SUN3: variants seen among roughly 807,000 people sequenced by gnomAD.
The protein encoded by SUN3 is Sad1 and UNC84 domain containing 3.
Under a neutral mutation model 48.2 loss-of-function variants are expected in SUN3, and 36 were observed. The observed-to-expected ratio is 0.75, with a 90% CI of 0.57 to 0.99. The LOEUF (loss-of-function observed/expected upper bound fraction) is 0.99, where lower values mean the gene tolerates loss of function less well. Among genes scored for constraint, SUN3 ranks in the 50% least tolerant of loss-of-function variants. The pLI, the probability that SUN3 is intolerant of heterozygous loss-of-function variation, is 0.00. For synonymous variants in SUN3, 148 were observed against 147.9 expected (o/e 1.00, Z 0.00); for missense variants, 419 against 433.1 (o/e 0.97, Z 0.29).
chr7:48,004,226 T>G (rs571824242), intron 6 of SUN3, among the ~76,000 whole-genome samples: 2 of 152,252 alleles, frequency 1.3e-5, no homozygotes, highest in African/African-American at 4.8e-5. Context: ...CCCTTGGGAG[T>G]TGGTCTTATT....
intron 4 of SUN3, among the ~76,000 whole-genome samples, chr7:48,007,809 T>G (rs1789572522): frequency 6.6e-6 from 1 of 152,046 alleles, no homozygotes; most frequent in Non-Finnish European, 1.5e-5. Context: ...CATGCAAGAT[T>G]TTACTTCCCA....
At chr7:48,013,739 T>C (rs1789740201) in intron 3 of SUN3, among the ~76,000 whole-genome samples, 1 of 152,180 alleles carries the variant, frequency 6.6e-6, no homozygotes, top group Admixed American at 6.5e-5. Flanking sequence ...GTGCAGCGTT[T>C]CATGCCTGTA....
At chr7:47,991,196 A>C (rs549139650) in intron 8 of SUN3, among the ~76,000 whole-genome samples, 1 of 152,318 alleles carries the variant, frequency 6.6e-6, no homozygotes, top group Admixed American at 6.5e-5. Context: ...GGATCACAGG[A>C]GCAGATACTG....
chr7:48,016,971 C>T (rs936947568), intron 3 of SUN3, among the ~76,000 whole-genome samples: 3 of 152,154 alleles, frequency 2.0e-5, no homozygotes, highest in Admixed American at 1.3e-4. Flanking sequence ...GCCCACTCTT[C>T]AGGTGACTAT....
intron 6 of SUN3, among the ~76,000 whole-genome samples, chr7:48,001,581 T>C (rs1208894864): frequency 1.4e-5 from 2 of 141,458 alleles, no homozygotes; most frequent in East Asian, 4.3e-4. Flanking sequence ...TTGCCCAGGC[T>C]GGAGTGCAGT....
intron 9 of SUN3, 109 bp downstream of exon 9, chr7:47,988,679 C>A: frequency 1.6e-6 from 1 of 620,022 alleles, no homozygotes; most frequent in Non-Finnish European, 2.7e-6. Flanking sequence ...CCTTGTGTAA[C>A]TCACGCTTTT....
upstream of SUN3, among the ~76,000 whole-genome samples, chr7:48,031,407 T>C (rs542913344): frequency 6.6e-6 from 1 of 152,324 alleles, no homozygotes; most frequent in South Asian, 2.1e-4. Context: ...GGTACACGCC[T>C]GTAATCCCAG....
At chr7:48,003,186 A>G (rs1042911863) in intron 6 of SUN3, among the ~76,000 whole-genome samples, 3 of 152,108 alleles carry the variant, frequency 2.0e-5, no homozygotes, top group Admixed American at 2.0e-4. Context: ...ACTTTCTGCA[A>G]TGTTTGTTTT....
At chr7:48,018,229 A>G in intron 2 of SUN3, among the ~76,000 whole-genome samples, 1 of 152,174 alleles carries the variant, frequency 6.6e-6, no homozygotes. Context: ...AGACTGAGAG[A>G]GTAATCTCTG....
At chr7:48,021,121 C>T (rs1583779616) in intron 2 of SUN3, among the ~76,000 whole-genome samples, 1 of 151,990 alleles carries the variant, frequency 6.6e-6, no homozygotes, top group Non-Finnish European at 1.5e-5. Context: ...CTACAGAGAA[C>T]TCATTTTCAA....
Position 48,002,305 on chromosome 7 carries a change from G to A in SUN3, c.577+3664C>T, listed in dbSNP as rs1368435646. On this transcript the variant is annotated intron_variant, in intron 6 of 9. Transcript: ENST00000297325. ...CTCCCGAGTAGCTGGGACCACAGGCGCCCGCACCACGCCCGGCTAATTTTT... is the reference window on the plus strand; with the variant it reads ...CTCCCGAGTAGCTGGGACCACAGGCACCCGCACCACGCCCGGCTAATTTTT... 7.7e-5 allele frequency among the ~76,000 whole-genome samples: 11 copies of A among 143,566 alleles called. 2 individuals are homozygous for A. The highest frequency in any genetic ancestry group is 3.0e-4 in the African/African-American group (10 of 33,496). 94.2% of individuals were successfully genotyped at this position (143,566 alleles called of 152,430 possible).
rs372204872 is a variant in SUN3, at chr7:47,994,497, C to T, written c.694-15G>A. 31 of 1,585,176 alleles carry T rather than the reference C, an allele frequency of 2.0e-5. No homozygotes were observed. In the African/African-American group the frequency reaches 4.0e-4, roughly 20 times the overall value. On this transcript the variant is annotated splice_polypyrimidine_tract_variant and intron_variant, in intron 7 of 9. Coordinates refer to ENST00000297325, the MANE Select transcript of SUN3 (RefSeq NM_001030019.2). ...TAGACATCCGGCTGGAAAGAAAACACTGAATTAATCTCTTAACTAGTTATG... is the reference window on the plus strand; with the variant it reads ...TAGACATCCGGCTGGAAAGAAAACATTGAATTAATCTCTTAACTAGTTATG...
chr7:48,021,497 A>G (rs1056764312), intron 2 of SUN3, among the ~76,000 whole-genome samples: 6 of 151,986 alleles, frequency 3.9e-5, no homozygotes, highest in Non-Finnish European at 8.8e-5. Flanking sequence ...AAATATTTAC[A>G]AACTACCCAT....
chr7:48,024,570 AG>A (rs1178074990), intron 2 of SUN3, among the ~76,000 whole-genome samples: 1 of 152,140 alleles, frequency 6.6e-6, no homozygotes, highest in Non-Finnish European at 1.5e-5. Flanking sequence ...GTTGCTGTAA[AG>A]GAATATCTGA....
upstream of SUN3, among the ~76,000 whole-genome samples, chr7:48,032,332 G>T (rs1177167787): frequency 6.6e-6 from 1 of 152,180 alleles, no homozygotes; most frequent in Non-Finnish European, 1.5e-5. Flanking sequence ...TAGCTTGATT[G>T]TAGTAATTAT....
intron 8 of SUN3, 30 bp from the exon 9 acceptor site, chr7:47,988,910 G>A (rs779949565): frequency 1.9e-5 from 25 of 1,288,452 alleles, no homozygotes; most frequent in Non-Finnish European, 2.6e-5. Context: ...TATAGAGATT[G>A]TAATGAATGG....
At chr7:48,016,998 T>A (rs548001537) in intron 3 of SUN3, among the ~76,000 whole-genome samples, 1 of 152,190 alleles carries the variant, frequency 6.6e-6, no homozygotes, top group Admixed American at 6.5e-5. Flanking sequence ...CCAATGATAA[T>A]GGCATTAATT....
chr7:48,012,376 G>GT (rs981435328), intron 3 of SUN3, among the ~76,000 whole-genome samples: 1 of 150,262 alleles, frequency 6.7e-6, no homozygotes, highest in Non-Finnish European at 1.5e-5. Context: ...AGTTTTACTT[G>GT]TTTTTTGTTT....
intron 8 of SUN3, among the ~76,000 whole-genome samples, chr7:47,992,748 A>T (rs970623796): frequency 1.3e-5 from 2 of 152,192 alleles, no homozygotes; most frequent in African/African-American, 2.4e-5. Flanking sequence ...AAAGAAAGGA[A>T]GAAATTTATA....
Sources: allele counts gnomAD v4.1 joint callset (sites outside exome capture counted in the v4.1 genomes callset), GRCh38; gene constraint gnomAD v4.1.1; transcripts MANE v1.5; gene names NCBI Gene and HGNC (gene_info 2026-07-23, HGNC 2026-07-21).